The following BCAS3 variants were observed in gnomAD, a reference collection of about 807,000 sequenced individuals.
BCAS3 encodes the protein BCAS3 microtubule associated cell migration factor.
Under a neutral mutation model 116.1 loss-of-function variants are expected in BCAS3, and 53 were observed. The observed-to-expected ratio is 0.46, with a 90% CI of 0.37 to 0.57. The LOEUF (loss-of-function observed/expected upper bound fraction) is 0.57. Ranked by LOEUF, BCAS3 falls within the 20% of genes least tolerant of loss-of-function variation. The pLI is 0.00. For synonymous variants in BCAS3, 391 were observed against 408.2 expected (o/e 0.96, Z 0.51); for missense variants, 917 against 1,165.4 (o/e 0.79, Z 3.10).
rs1266019498 is a variant in BCAS3, at chr17:61,104,200, C to G, written c.2425+19636C>G. Among the ~76,000 whole-genome samples, 1 of 152,120 alleles carries G rather than the reference C, an allele frequency of 6.6e-6. No individual in the cohort carries two copies. The highest frequency in any genetic ancestry group is 1.5e-5 in the Non-Finnish European group (1 of 68,036). ...AGGAGTTGGGTGGGCTTGATGTCCT[C>G]TCTCCCATTCCACCTCCCCACCCAC... On this transcript the variant is annotated intron_variant, in intron 22 of 23. Transcript: ENST00000407086. This position sits in a 1 kb window ranked among gnomAD's most constrained non-coding sequence, Gnocchi z 4.1.
At chr17:60,811,270 GA>G in intron 7 of BCAS3, 2 of 913,818 alleles carry the variant, frequency 2.2e-6, no homozygotes, top group Non-Finnish European at 3.4e-6. Flanking sequence ...AGGCCCTGCT[GA>G]ACATCAAGGT....
intron 12 of BCAS3, among the ~76,000 whole-genome samples, chr17:60,917,547 A>C (rs2054653970): frequency 6.6e-6 from 1 of 151,952 alleles, no homozygotes; most frequent in Non-Finnish European, 1.5e-5. Flanking sequence ...CATTTTGTTT[A>C]TCCATTTACT....
At chr17:61,049,610 C>T (rs1427718861) in intron 19 of BCAS3, among the ~76,000 whole-genome samples, 1 of 150,972 alleles carries the variant, frequency 6.6e-6, no homozygotes, top group Admixed American at 6.6e-5. Flanking sequence ...GTATTATAAT[C>T]AATTTGCTCA....
At chr17:61,158,545 A>G (rs149797983) in intron 22 of BCAS3, among the ~76,000 whole-genome samples, 71 of 152,320 alleles carry the variant, frequency 4.7e-4, no homozygotes, top group African/African-American at 1.7e-3. Context: ...AACTGAGGTT[A>G]GACAGATTGC....
At chr17:61,152,051 G>GACTTCCGCTTGAA (rs2077569943) in intron 22 of BCAS3, among the ~76,000 whole-genome samples, 1 of 152,174 alleles carries the variant, frequency 6.6e-6, no homozygotes, top group Non-Finnish European at 1.5e-5. Flanking sequence ...GTGGGTTCAT[G>GACTTCCGCTTGAA]GTCTCGCTGA....
At chr17:60,834,544 C>T (rs2051203755) in intron 7 of BCAS3, among the ~76,000 whole-genome samples, 1 of 151,966 alleles carries the variant, frequency 6.6e-6, no homozygotes, top group South Asian at 2.1e-4. Flanking sequence ...AACTAATCTA[C>T]ATTGGTAGAT....
At chr17:60,795,582 G>T (rs1219979351) in intron 6 of BCAS3, among the ~76,000 whole-genome samples, 1 of 152,124 alleles carries the variant, frequency 6.6e-6, no homozygotes, top group Non-Finnish European at 1.5e-5. Flanking sequence ...TTACATTAAG[G>T]CATGTCCCTT....
At chr17:61,331,595 C>A (rs1296261059) in intron 22 of BCAS3, among the ~76,000 whole-genome samples, 2 of 152,062 alleles carry the variant, frequency 1.3e-5, no homozygotes, top group African/African-American at 4.8e-5. Flanking sequence ...GAGTTCAAGA[C>A]CCCCCTGGAC....
At chr17:60,969,719 T>C (rs1282498068) in intron 14 of BCAS3, among the ~76,000 whole-genome samples, 1 of 152,168 alleles carries the variant, frequency 6.6e-6, no homozygotes, top group African/African-American at 2.4e-5. Flanking sequence ...ACAAAAACCA[T>C]GTCAAAGGAC....
chr17:61,064,870 C>G lies in BCAS3; in HGVS notation c.2030-10050C>G, dbSNP rs561075042. Among the ~76,000 whole-genome samples, 3 of 152,132 alleles carry G rather than the reference C, an allele frequency of 2.0e-5. No homozygotes were observed. The South Asian group carries it at 6.2e-4, about 32-fold the overall frequency. ...TATATAATGTAGATAAAGCTTGTTC[C>G]CCTTTATGTATTGTTGTTGCATTGG... On this transcript the variant is annotated intron_variant, in intron 19 of 23. Coordinates refer to ENST00000407086, the MANE Select transcript of BCAS3 (RefSeq NM_017679.5).
At chr17:61,101,951 A>G (rs2074352942) in intron 22 of BCAS3, among the ~76,000 whole-genome samples, 1 of 152,162 alleles carries the variant, frequency 6.6e-6, no homozygotes, top group Non-Finnish European at 1.5e-5. Flanking sequence ...ATATGATAAA[A>G]ATACTAATAA....
At chr17:60,719,584 A>G (rs1050568193) in intron 5 of BCAS3, among the ~76,000 whole-genome samples, 16 of 152,222 alleles carry the variant, frequency 1.1e-4, no homozygotes, top group African/African-American at 3.6e-4. Flanking sequence ...TCATGAGAAT[A>G]AGATACAGAA....
rs887882950 is a variant in BCAS3 at position 61,365,483 on chromosome 17, G to A, written c.2426-2844G>A. ...CGAGTAGCTGGGATTGCAGGTGCCC[G>A]CCACCATGCCCAGCTAACTTTTGTA... On this transcript the variant is annotated intron_variant, in intron 22 of 23. Transcript: ENST00000407086. This position sits in a 1 kb window ranked among gnomAD's most constrained non-coding sequence, Gnocchi z 4.6. Among the ~76,000 whole-genome samples, 1 of 152,136 alleles carries A rather than the reference G, an allele frequency of 6.6e-6. No homozygotes were observed. The highest frequency in any genetic ancestry group is 1.9e-4 in the East Asian group (1 of 5,158).
At chr17:60,713,390 A>G (rs2038162980) in intron 5 of BCAS3, among the ~76,000 whole-genome samples, 2 of 152,218 alleles carry the variant, frequency 1.3e-5, no homozygotes, top group South Asian at 4.1e-4. Flanking sequence ...ATGAGCATAT[A>G]TGCTAGACAG....
intron 14 of BCAS3, among the ~76,000 whole-genome samples, chr17:60,974,975 TTTTTTTGTTTTTTTTGC>T (rs1419052741): frequency 2.2e-5 from 3 of 139,466 alleles, no homozygotes; most frequent in South Asian, 2.1e-4. Flanking sequence ...AGCCATTTGT[TTTTTTTGTTTTTTTTGC>T]TTTTTTGTTT....
chr17:60,981,282 AT>A (rs559821390), intron 14 of BCAS3, among the ~76,000 whole-genome samples: 126 of 144,718 alleles, frequency 8.7e-4, no homozygotes, highest in East Asian at 4.1e-3. Context: ...TTTTAAGTGT[AT>A]TTTTTTTTTT....
At chr17:60,746,243 T>A (rs2042005165) in intron 5 of BCAS3, among the ~76,000 whole-genome samples, 1 of 152,172 alleles carries the variant, frequency 6.6e-6, no homozygotes. Context: ...TACAGTAATT[T>A]AATCTGTCCA....
Position 61,198,911 on chromosome 17 carries a change from T to A in BCAS3, c.2425+114347T>A, listed in dbSNP as rs1030001984. Among the ~76,000 whole-genome samples, 2 of 152,222 alleles carry A rather than the reference T, an allele frequency of 1.3e-5. No homozygotes were observed. The highest frequency in any genetic ancestry group is 4.8e-5 in the African/African-American group (2 of 41,468). ...GTTTCTAAAGCTTTTAAGATAATGATACTTAGAAATCACTGATTGTTCCTT... is the reference window on the plus strand; with the variant it reads ...GTTTCTAAAGCTTTTAAGATAATGAAACTTAGAAATCACTGATTGTTCCTT... On this transcript the variant is annotated intron_variant, in intron 22 of 23. Transcript: ENST00000407086. The surrounding 1 kb of genome is among the most constrained non-coding windows in gnomAD (Gnocchi z 5.0).
chr17:60,723,781 C>T (rs1482762521), intron 5 of BCAS3, among the ~76,000 whole-genome samples: 10 of 129,256 alleles, frequency 7.7e-5, no homozygotes, highest in South Asian at 2.5e-4. Context: ...TGCAGTGGTG[C>T]GATCTCGGCT....
Sources: gnomAD v4.1 joint callset for allele counts (sites outside exome capture counted in the v4.1 genomes callset) on GRCh38, gnomAD v4.1.1 for gene constraint, Gnocchi (gnomAD v3.1) non-coding constraint, MANE v1.5 for transcripts, NCBI Gene and HGNC (gene_info 2026-07-23, HGNC 2026-07-21) for gene names.